The following ACTR3 variants were observed in gnomAD, a reference collection of about 807,000 sequenced individuals.
The protein encoded by ACTR3 is actin-related protein 3.
ACTR3 carries 12 observed loss-of-function variants against 56.8 expected under a neutral mutation model. The ratio of observed to expected loss-of-function variants is 0.21; its 90% confidence interval spans 0.14 to 0.34. The LOEUF is 0.34. Ranked by LOEUF, ACTR3 falls within the 10% of genes least tolerant of loss-of-function variation. ACTR3 has a pLI of 1.00. For synonymous variants in ACTR3, 162 were observed against 167.4 expected, an observed-to-expected ratio of 0.97 and a Z score of 0.25; for missense variants, 282 against 512.5, an observed-to-expected ratio of 0.55 and a Z score of 4.34.
chr2:113,901,312 C>T (rs765575629), intron 1 of ACTR3, among the ~76,000 whole-genome samples: 2 of 152,340 alleles, frequency 1.3e-5, no homozygotes, highest in Admixed American at 6.5e-5. Context: ...GGGCCAAGAT[C>T]GCGCTGTCGC....
intron 3 of ACTR3, among the ~76,000 whole-genome samples, chr2:113,924,191 T>G (rs777958703): frequency 1.6e-4 from 24 of 151,772 alleles, no homozygotes; most frequent in Non-Finnish European, 3.1e-4. Context: ...CACCTCAGCC[T>G]CCTGAGTAGC....
chr2:113,955,549 C>A, intron 10 of ACTR3, 74 bp from the exon 11 acceptor site: 1 of 1,085,980 alleles, frequency 9.2e-7, no homozygotes, highest in Non-Finnish European at 1.4e-6. Flanking sequence ...TGTATATGTA[C>A]ATTTAAGGTT....
At chr2:113,891,593 CAGTA>C (rs1272607560) in intron 1 of ACTR3, among the ~76,000 whole-genome samples, 3 of 149,810 alleles carry the variant, frequency 2.0e-5, no homozygotes, top group Admixed American at 6.6e-5. Flanking sequence ...AGGGGGAAGT[CAGTA>C]AGAGGTGGAC....
intron 6 of ACTR3, among the ~76,000 whole-genome samples, chr2:113,936,574 C>G (rs1679831357): frequency 6.6e-6 from 1 of 152,180 alleles, no homozygotes; most frequent in East Asian, 1.9e-4. Context: ...CTTTGACCTT[C>G]TAGTCTTTGT....
At chr2:113,942,447 T>G (rs1003629605) in intron 8 of ACTR3, 88 bp downstream of exon 8, 1 of 832,816 alleles carries the variant, frequency 1.2e-6, no homozygotes, top group East Asian at 3.0e-5. Flanking sequence ...TCAGAAACTT[T>G]TATTAGTACA....
chr2:113,931,053 A>G (rs960369739), intron 4 of ACTR3, among the ~76,000 whole-genome samples: 28 of 152,062 alleles, frequency 1.8e-4, no homozygotes, highest in African/African-American at 6.3e-4. Context: ...AATCTGTATA[A>G]GTGGTATGAT....
At position 113,890,219 on chromosome 2, in the gene ACTR3, T is replaced by C. The variant is rs1678857159; in HGVS notation, c.-61T>C. 6.5e-7 allele frequency: 1 copy of C among 1,549,656 alleles called. No individual in the cohort carries two copies. The highest frequency in any genetic ancestry group is 2.0e-5 in the Admixed American group (1 of 50,960). On this transcript the variant is annotated 5_prime_UTR_variant, in exon 1 of 12. Coordinates refer to ENST00000263238, the MANE Select transcript of ACTR3 (RefSeq NM_005721.5). ...GATAGCCCTTGTCTCCCGCCGCCAA[T>C]CTCTGGCCCCTAGCAGCACGGAGCA...
chr2:113,950,278 C>T (rs1209522402), intron 8 of ACTR3, among the ~76,000 whole-genome samples: 1 of 152,210 alleles, frequency 6.6e-6, no homozygotes, highest in Non-Finnish European at 1.5e-5. Context: ...TCACAGCCTC[C>T]TTGTGTTTAC....
chr2:113,924,134 A>C (rs1447348359), intron 3 of ACTR3, among the ~76,000 whole-genome samples: 2 of 150,156 alleles, frequency 1.3e-5, no homozygotes, highest in Admixed American at 6.7e-5. Flanking sequence ...GGCTCACTGC[A>C]AGACCCTCCA....
intron 3 of ACTR3, among the ~76,000 whole-genome samples, chr2:113,919,224 A>C (rs1679463068): frequency 6.6e-6 from 1 of 152,234 alleles, no homozygotes; most frequent in Admixed American, 6.5e-5. Context: ...TTTATCTGAT[A>C]TCTAGTCATT....
In ACTR3 at chr2:113,957,532, CTGG is replaced by C; in HGVS notation, c.*79_*81del. 1 of 1,240,998 alleles carries C rather than the reference CTGG, an allele frequency of 8.1e-7. No individual in the cohort carries two copies. The highest frequency in any genetic ancestry group is 1.2e-6 in the Non-Finnish European group (1 of 850,250). The allele number at this position is 1,240,998 out of a possible 1,614,324, so 76.9% of individuals were successfully genotyped here. A position where few individuals can be genotyped will look rare whatever the true frequency, so the allele number is the denominator to read the frequency against. On this transcript the variant is annotated 3_prime_UTR_variant, in exon 12 of 12. Transcript: ENST00000263238. ...CTGATTACCTGTTTTGTCTGGATGG[CTGG>C]TTTTGAGGTTTTAAACCTGACTTGA... is the stretch of plus-strand genomic sequence containing the variant.
At position 113,939,945 on chromosome 2, in the gene ACTR3, TTTC is replaced by T. The variant is rs1679895401; in HGVS notation, c.541-13_541-11del. On this transcript the variant is annotated splice_polypyrimidine_tract_variant and intron_variant, in intron 6 of 11. Transcript: ENST00000263238. The stretch of plus-strand genomic sequence containing the variant: ...CATTGAAAGTAAATTTGGTATCTTT[TTTC>T]CCCTCTCTAGGCTGAAGGGTATGTG... 1.3e-6 allele frequency: 2 copies of T among 1,562,646 alleles called. No individual in the cohort carries two copies. Among genetic ancestry groups the T allele is most frequent in the Non-Finnish European group, 1.7e-6 (2 of 1,149,360 alleles).
chr2:113,915,476 A>G (rs1403319256), intron 2 of ACTR3, among the ~76,000 whole-genome samples: 1 of 152,244 alleles, frequency 6.6e-6, no homozygotes, highest in Non-Finnish European at 1.5e-5. Flanking sequence ...ACACAGTTAC[A>G]TTCTGAGGTA....
Position 113,931,385 on chromosome 2 carries a change from A to C in ACTR3, c.421A>C (p.Ile141Leu). The C allele has an allele frequency of 1.3e-6, 2 of 1,582,684 alleles. No homozygotes were observed. The highest frequency in any genetic ancestry group is 1.7e-6 in the Non-Finnish European group (2 of 1,165,722). The change falls in exon 5 of 12, where the codon ATT becomes CTT. Residue 141 changes from isoleucine to leucine, a missense_variant. Coordinates refer to ENST00000263238, the MANE Select transcript of ACTR3 (RefSeq NM_005721.5). ...FESFNVPGLY[I>L]AVQAVLALAA... ...GTCCTTCAATGTTCCAGGCTTGTAC[A>C]TTGCTGTGCAGGTAAGCAAGTTCAT...
At chr2:113,920,448 G>A (rs1270857050) in intron 3 of ACTR3, among the ~76,000 whole-genome samples, 1 of 152,182 alleles carries the variant, frequency 6.6e-6, no homozygotes, top group African/African-American at 2.4e-5. Flanking sequence ...TGGTGATCAA[G>A]TCAATGTAAG....
intron 8 of ACTR3, among the ~76,000 whole-genome samples, chr2:113,942,696 TG>T (rs1210415189): frequency 6.6e-6 from 1 of 152,036 alleles, no homozygotes; most frequent in Admixed American, 6.5e-5. Context: ...TAAAATATTT[TG>T]GGAAAGGTTC....
intron 1 of ACTR3, among the ~76,000 whole-genome samples, chr2:113,895,683 G>A (rs947739613): frequency 1.9e-4 from 29 of 152,084 alleles, no homozygotes; most frequent in Non-Finnish European, 2.4e-4. Context: ...TTCTTTTTAC[G>A]TTTCTTCTGG....
At position 113,930,682 on chromosome 2, in the gene ACTR3, T is replaced by A. The variant is rs777407787; in HGVS notation, c.337-619T>A. 8.3e-4 allele frequency among the ~76,000 whole-genome samples: 127 copies of A among 152,338 alleles called. 1 individual carries two copies. The highest frequency in any genetic ancestry group is 1.5e-3 in the Non-Finnish European group (100 of 68,020). On this transcript the variant is annotated intron_variant, in intron 4 of 11. Coordinates refer to ENST00000263238, the MANE Select transcript of ACTR3 (RefSeq NM_005721.5). Reference sequence around the variant, plus strand: ...ATCTCTGAGTCCTTCCTTGCCTCTTTAGAGTGTGTTCTGTCCCAGACTTAA... The same window carrying A: ...ATCTCTGAGTCCTTCCTTGCCTCTTAAGAGTGTGTTCTGTCCCAGACTTAA...
chr2:113,937,810 G>A (rs576706951), intron 6 of ACTR3, among the ~76,000 whole-genome samples: 101 of 152,216 alleles, frequency 6.6e-4, no homozygotes, highest in Middle Eastern at 3.4e-3. Flanking sequence ...TGATTGTGAT[G>A]TACCTAAGTA....
Sources: allele counts gnomAD v4.1 joint callset (sites outside exome capture counted in the v4.1 genomes callset), GRCh38; gene constraint gnomAD v4.1.1; transcripts MANE v1.5; gene names NCBI Gene and HGNC (gene_info 2026-07-23, HGNC 2026-07-21).